DCLK1: variants seen among roughly 807,000 people sequenced by gnomAD.
DCLK1 encodes serine/threonine-protein kinase DCLK1.
DCLK1 carries 16 observed loss-of-function variants against 86.2 expected under a neutral mutation model. The ratio of observed to expected loss-of-function variants is 0.19; its 90% CI spans 0.13 to 0.28. The LOEUF is 0.28. Among genes scored for constraint, DCLK1 ranks in the 10% least tolerant of loss-of-function variants. The probability of loss-of-function intolerance (pLI) is 1.00; values close to 1 mark genes in which losing one functional copy is unlikely to be tolerated. For synonymous variants in DCLK1, 369 were observed against 370.5 expected, an observed-to-expected ratio of 1.00 and a Z score of 0.05; for missense variants, 590 against 940.2, an observed-to-expected ratio of 0.63 and a Z score of 4.87.
At chr13:36,008,597 C>T (rs941482198) in intron 3 of DCLK1, among the ~76,000 whole-genome samples, 2 of 132,756 alleles carry the variant, frequency 1.5e-5, no homozygotes, top group Non-Finnish European at 3.1e-5. Flanking sequence ...TGTATATGTG[C>T]CACATTTTCT....
At chr13:36,112,779 C>G (rs966551351) in intron 2 of DCLK1, among the ~76,000 whole-genome samples, 1 of 152,160 alleles carries the variant, frequency 6.6e-6, no homozygotes, top group Non-Finnish European at 1.5e-5. Context: ...TCACAGTGAT[C>G]CACACATACT....
At chr13:35,813,645 T>C (rs1328203991) in intron 11 of DCLK1, among the ~76,000 whole-genome samples, 1 of 151,794 alleles carries the variant, frequency 6.6e-6, no homozygotes, top group African/African-American at 2.4e-5. Flanking sequence ...ATGAAAACCA[T>C]TGAAATACAT....
At chr13:36,004,505 A>G (rs75746384) in intron 3 of DCLK1, among the ~76,000 whole-genome samples, 1 of 152,232 alleles carries the variant, frequency 6.6e-6, no homozygotes, top group South Asian at 2.1e-4. Flanking sequence ...ATACAACAAG[A>G]AAATTAATAA....
intron 3 of DCLK1, among the ~76,000 whole-genome samples, chr13:36,066,684 CT>C (rs1288411322): frequency 1.3e-5 from 2 of 149,900 alleles, no homozygotes; most frequent in Non-Finnish European, 3.0e-5. Flanking sequence ...TATGCAGAAT[CT>C]ACAATGAACT....
chr13:35,932,815 C>T (rs1386309109), intron 4 of DCLK1, among the ~76,000 whole-genome samples: 1 of 152,248 alleles, frequency 6.6e-6, no homozygotes. Context: ...TCTTTCTGCA[C>T]TTGGCCCCTG....
At chr13:35,926,873 C>T (rs575801293) in intron 4 of DCLK1, among the ~76,000 whole-genome samples, 1 of 152,314 alleles carries the variant, frequency 6.6e-6, no homozygotes, top group East Asian at 1.9e-4. Flanking sequence ...GGACCCATGA[C>T]CCCCATCTCC....
chr13:35,992,660 T>C (rs1209265900), intron 3 of DCLK1, among the ~76,000 whole-genome samples: 3 of 152,194 alleles, frequency 2.0e-5, no homozygotes, highest in African/African-American at 7.2e-5. Flanking sequence ...AGCATCATTG[T>C]TGACCAGTAT....
In DCLK1 at chr13:36,098,722, TAA is replaced by T. The variant is rs1429050319; in HGVS notation, c.723+13145_723+13146del. The stretch of plus-strand genomic sequence containing the variant: ...GTTCTCGTGCATTTTGATAATCTTG[TAA>T]AGTTTTGAAAGTAACTTCCCTCTCA... On this transcript the variant is annotated intron_variant, in intron 3 of 16. Coordinates refer to ENST00000360631, the MANE Select transcript of DCLK1 (RefSeq NM_001330071.2). 2.0e-5 allele frequency among the ~76,000 whole-genome samples: 3 copies of T among 152,328 alleles called. No individual in the cohort carries two copies. The East Asian group carries it at 5.8e-4, about 29-fold the overall frequency.
intron 3 of DCLK1, among the ~76,000 whole-genome samples, chr13:36,070,291 G>A (rs1184221086): frequency 2.6e-5 from 4 of 152,098 alleles, no homozygotes; most frequent in African/African-American, 9.7e-5. Context: ...TCACGGGATG[G>A]TTCTGAGAAT....
intron 2 of DCLK1, among the ~76,000 whole-genome samples, chr13:36,124,023 C>T (rs1886081158): frequency 1.3e-5 from 2 of 152,036 alleles, no homozygotes; most frequent in South Asian, 4.1e-4. Flanking sequence ...ATTGAAGTAC[C>T]CCAACCCCCA....
At chr13:35,972,060 T>C (rs991542877) in intron 3 of DCLK1, among the ~76,000 whole-genome samples, 3 of 152,218 alleles carry the variant, frequency 2.0e-5, no homozygotes, top group Admixed American at 6.5e-5. Flanking sequence ...CACTCATTGA[T>C]TGGTGACCAC....
chr13:36,074,449 C>G (rs537064699), intron 3 of DCLK1, among the ~76,000 whole-genome samples: 1 of 117,894 alleles, frequency 8.5e-6, no homozygotes, highest in African/African-American at 3.3e-5. Context: ...CCAGCCTGGG[C>G]GACAGCGAGA....
At chr13:35,863,383 G>T (rs150442904) in intron 5 of DCLK1, among the ~76,000 whole-genome samples, 2 of 152,280 alleles carry the variant, frequency 1.3e-5, no homozygotes, top group East Asian at 3.9e-4. Context: ...ATTAACCTGG[G>T]GCATTAACTG....
chr13:35,850,849 C>T (rs1325801726), intron 6 of DCLK1: 3 of 1,302,168 alleles, frequency 2.3e-6, no homozygotes, highest in African/African-American at 3.0e-5. Context: ...GTGAGAGCAG[C>T]ACTGAATGGG....
At chr13:36,082,204 T>C in intron 3 of DCLK1, among the ~76,000 whole-genome samples, 1 of 152,032 alleles carries the variant, frequency 6.6e-6, no homozygotes, top group East Asian at 1.9e-4. Flanking sequence ...GACCAACACC[T>C]CCTCTTCCTC....
intron 3 of DCLK1, among the ~76,000 whole-genome samples, chr13:36,073,834 A>C (rs1884066977): frequency 6.6e-6 from 1 of 152,224 alleles, no homozygotes; most frequent in Admixed American, 6.5e-5. Context: ...CAAAACAGAC[A>C]TGTGGACCAT....
At chr13:35,791,461 T>C (rs1253715291) in intron 16 of DCLK1, among the ~76,000 whole-genome samples, 1 of 152,060 alleles carries the variant, frequency 6.6e-6, no homozygotes, top group African/African-American at 2.4e-5. Context: ...GGTCCAATCA[T>C]GACATTTAGG....
intron 3 of DCLK1, among the ~76,000 whole-genome samples, chr13:35,967,603 T>C (rs1435109202): frequency 6.6e-6 from 1 of 152,158 alleles, no homozygotes; most frequent in Non-Finnish European, 1.5e-5. Context: ...AAGATGTGCT[T>C]TGTTAAACAG....
At chr13:36,100,802 C>G (rs1415149162) in intron 3 of DCLK1, among the ~76,000 whole-genome samples, 1 of 152,148 alleles carries the variant, frequency 6.6e-6, no homozygotes. Flanking sequence ...GAAAATCACT[C>G]TAATTCTGAT....
Sources: gnomAD v4.1 joint callset for allele counts (sites outside exome capture counted in the v4.1 genomes callset) on GRCh38, gnomAD v4.1.1 for gene constraint, MANE v1.5 for transcripts, NCBI Gene and HGNC (gene_info 2026-07-23, HGNC 2026-07-21) for gene names.